HECTD4: variants seen among roughly 807,000 people sequenced by gnomAD.
HECTD4 encodes HECT domain E3 ubiquitin protein ligase 4.
In HECTD4, 114 loss-of-function variants were observed where a neutral mutation model predicts 471.5. That is an observed-to-expected ratio of 0.24 (90% CI 0.21 to 0.28). HECTD4 has a LOEUF of 0.28. Ranked by LOEUF, HECTD4 falls within the 10% of genes least tolerant of loss-of-function variation. The probability of loss-of-function intolerance (pLI) is 1.00; values close to 1 mark genes in which losing one functional copy is unlikely to be tolerated. For synonymous variants in HECTD4, 2,012 were observed against 2,256.0 expected, an observed-to-expected ratio of 0.89 and a Z score of 3.07; for missense variants, 3,866 against 5,651.5, an observed-to-expected ratio of 0.68 and a Z score of 10.13.
intron 41 of HECTD4, 138 bp downstream of exon 41, chr12:112,229,560 G>A: frequency 1.2e-6 from 1 of 814,824 alleles, no homozygotes; most frequent in Non-Finnish European, 2.0e-6. Flanking sequence ...GAATTTCTCA[G>A]ATTCCTTATT....
intron 7 of HECTD4, among the ~76,000 whole-genome samples, chr12:112,304,882 C>T (rs1454566393): frequency 2.0e-5 from 3 of 152,128 alleles, no homozygotes; most frequent in Non-Finnish European, 4.4e-5. Context: ...ACTGGCTTCC[C>T]AGAACATGTT....
intron 1 of HECTD4, among the ~76,000 whole-genome samples, chr12:112,359,470 A>G (rs2036410898): frequency 6.6e-6 from 1 of 152,130 alleles, no homozygotes; most frequent in Non-Finnish European, 1.5e-5. Context: ...CCCACACTGG[A>G]GTGCAGGGGA....
Position 112,199,093 on chromosome 12 carries a change from C to A in HECTD4, c.8567+1545G>T, listed in dbSNP as rs912184197. Among the ~76,000 whole-genome samples, 3 of 152,042 alleles carry A rather than the reference C, an allele frequency of 2.0e-5. No homozygotes were observed. The East Asian group carries it at 5.8e-4, about 29-fold the overall frequency. ...CTGTTGAGCCGCCGGCCGCAGGAGCCCTGCTGTGGGACATTTCTCCTTCAC... is the reference window on the plus strand; with the variant it reads ...CTGTTGAGCCGCCGGCCGCAGGAGCACTGCTGTGGGACATTTCTCCTTCAC... On this transcript the variant is annotated intron_variant, in intron 55 of 75. Coordinates refer to ENST00000682272, the MANE Select transcript of HECTD4 (RefSeq NM_001388303.1).
In HECTD4 at chr12:112,179,621, T is replaced by C. The variant is rs892328248; in HGVS notation, c.10988-224A>G. Reference sequence around the variant, plus strand: ...CCCTGCAACCGTGGTCACTGTGGGATGTGAGCCACATGGGGACCAGGCTGC... The same window carrying C: ...CCCTGCAACCGTGGTCACTGTGGGACGTGAGCCACATGGGGACCAGGCTGC... On this transcript the variant is annotated intron_variant, in intron 62 of 75. Transcript: ENST00000682272. This position sits in a 1 kb window ranked among gnomAD's most constrained non-coding sequence, Gnocchi z 4.3. 2.0e-5 allele frequency among the ~76,000 whole-genome samples: 3 copies of C among 152,202 alleles called. No homozygotes were observed. The highest frequency in any genetic ancestry group is 6.5e-5 in the Admixed American group (1 of 15,288).
chr12:112,270,781 G>A (rs1365465302), intron 11 of HECTD4, among the ~76,000 whole-genome samples: 4 of 152,190 alleles, frequency 2.6e-5, no homozygotes, highest in Non-Finnish European at 4.4e-5. Flanking sequence ...AAGAGTCAGA[G>A]AAGTTAAGGT....
intron 22 of HECTD4, among the ~76,000 whole-genome samples, chr12:112,253,019 G>GC (rs2033928457): frequency 6.6e-6 from 1 of 151,532 alleles, no homozygotes; most frequent in African/African-American, 2.4e-5. Flanking sequence ...TCACCATGTT[G>GC]CCCACGCTGG....
chr12:112,358,741 T>C (rs972828557), intron 1 of HECTD4, among the ~76,000 whole-genome samples: 3 of 152,124 alleles, frequency 2.0e-5, no homozygotes, highest in Non-Finnish European at 4.4e-5. Context: ...GTTTCTCAGT[T>C]GTAAATAATG....
chr12:112,170,220 A>T, intron 69 of HECTD4, 113 bp downstream of exon 69: 1 of 1,419,094 alleles, frequency 7.0e-7, no homozygotes, highest in Non-Finnish European at 9.5e-7. Flanking sequence ...CAGCAGAACG[A>T]CAGGAGGAAC....
intron 65 of HECTD4, 103 bp from the exon 66 acceptor site, chr12:112,175,962 C>A: frequency 7.2e-7 from 1 of 1,388,674 alleles, no homozygotes. Flanking sequence ...ACGGCCCAAC[C>A]CATCTAATTC....
intron 40 of HECTD4, among the ~76,000 whole-genome samples, chr12:112,230,464 T>C (rs916356263): frequency 2.6e-5 from 4 of 152,214 alleles, no homozygotes; most frequent in Non-Finnish European, 5.9e-5. Flanking sequence ...TCCCTGAGAA[T>C]ACTGTCCTAT....
intron 16 of HECTD4, 117 bp from the exon 17 acceptor site, chr12:112,264,329 A>G: frequency 9.9e-7 from 1 of 1,014,316 alleles, no homozygotes; most frequent in East Asian, 2.9e-5. Context: ...TAAAAAAAAC[A>G]GACCAAGTTA....
At position 112,382,352 on chromosome 12, in the gene HECTD4, G is replaced by A; in HGVS notation, c.-224C>T. The A allele has an allele frequency of 2.5e-6, 1 of 403,390 alleles. No individual in the cohort carries two copies. The highest frequency in any genetic ancestry group is 4.2e-6 in the Non-Finnish European group (1 of 236,812). 25.0% of individuals were successfully genotyped at this position (403,390 alleles called of 1,614,324 possible). On this transcript the variant is annotated 5_prime_UTR_variant, in exon 1 of 76. Transcript: ENST00000682272. Reference sequence around the variant, plus strand: ...TGCCGCCGCCGCCGCCGCCGCCGCCGCCGCCGCCCTCAGGAGCAGGATCCG... The same window carrying A: ...TGCCGCCGCCGCCGCCGCCGCCGCCACCGCCGCCCTCAGGAGCAGGATCCG...
intron 8 of HECTD4, among the ~76,000 whole-genome samples, chr12:112,282,806 T>C (rs2034672942): frequency 2.0e-5 from 3 of 152,226 alleles, no homozygotes; most frequent in Admixed American, 2.0e-4. Flanking sequence ...AAGTATCAGG[T>C]TTTCTCATTC....
chr12:112,283,517 T>C, intron 7 of HECTD4, among the ~76,000 whole-genome samples: 1 of 152,328 alleles, frequency 6.6e-6, no homozygotes, highest in Middle Eastern at 3.4e-3. Context: ...ATAGCTATAA[T>C]GTTTAATAGG....
intron 7 of HECTD4, among the ~76,000 whole-genome samples, chr12:112,299,482 G>C (rs2035118611): frequency 6.6e-6 from 1 of 152,074 alleles, no homozygotes. Context: ...AATTAGCCAG[G>C]CATGGTGGCA....
intron 1 of HECTD4, among the ~76,000 whole-genome samples, chr12:112,372,482 C>T (rs535363769): frequency 1.4e-5 from 2 of 140,960 alleles, no homozygotes; most frequent in South Asian, 2.3e-4. Flanking sequence ...AAGATGGTCT[C>T]GATCTCCTGA....
chr12:112,269,280 T>G (rs569526665), intron 13 of HECTD4, among the ~76,000 whole-genome samples: 1 of 152,264 alleles, frequency 6.6e-6, no homozygotes, highest in Non-Finnish European at 1.5e-5. Flanking sequence ...AGGTGCTATT[T>G]TTATGCCCAT....
At position 112,193,291 on chromosome 12, in the gene HECTD4, A is replaced by C; in HGVS notation, c.8956-100T>G. 1.4e-6 allele frequency: 2 copies of C among 1,470,226 alleles called. No individual in the cohort carries two copies. Among genetic ancestry groups the C allele is most frequent in the Non-Finnish European group, 9.3e-7 (1 of 1,079,060 alleles). 91.1% of individuals were successfully genotyped at this position (1,470,226 alleles called of 1,614,324 possible). ...GCCCAGGAAATCAGCCAAACGACTA[A>C]ATAGCCCTCTGGAAGGAAGCAAGCT... On this transcript the variant is annotated intron_variant, in intron 57 of 75. Transcript: ENST00000682272. This position sits in a 1 kb window ranked among gnomAD's most constrained non-coding sequence, Gnocchi z 5.2.
At position 112,382,356 on chromosome 12, in the gene HECTD4, C is replaced by T. The variant is rs1304445173; in HGVS notation, c.-228G>A. 5 of 401,026 alleles carry T rather than the reference C, an allele frequency of 1.2e-5. No homozygotes were observed. Among genetic ancestry groups the T allele is most frequent in the African/African-American group, 4.3e-5 (2 of 46,188 alleles). The allele number at this position is 401,026 out of a possible 1,614,324, so 24.8% of individuals were successfully genotyped here. A position where few individuals can be genotyped will look rare whatever the true frequency, so the allele number is the denominator to read the frequency against. ...GCCGCCGCCGCCGCCGCCGCCGCCG[C>T]CGCCCTCAGGAGCAGGATCCGCCTC... is the stretch of plus-strand genomic sequence containing the variant. On this transcript the variant is annotated 5_prime_UTR_variant, in exon 1 of 76. Transcript: ENST00000682272.
Sources: allele counts gnomAD v4.1 joint callset (sites outside exome capture counted in the v4.1 genomes callset), GRCh38; gene constraint gnomAD v4.1.1; non-coding constraint Gnocchi (gnomAD v3.1); transcripts MANE v1.5; gene names NCBI Gene and HGNC (gene_info 2026-07-23, HGNC 2026-07-21).